TCF4: variants seen among roughly 807,000 people sequenced by gnomAD.
The protein encoded by TCF4 is SL3-3 enhancer factor 2.
In TCF4, 3 loss-of-function variants were observed where a neutral mutation model predicts 82.1. That is an observed-to-expected ratio of 0.04 (90% CI 0.02 to 0.09). TCF4 has a LOEUF of 0.09. Among genes scored for constraint, TCF4 ranks in the 10% least tolerant of loss-of-function variants. The pLI is 1.00. For synonymous variants in TCF4, 276 were observed against 309.6 expected (o/e 0.89, Z 1.14); for missense variants, 518 against 852.7 (o/e 0.61, Z 4.89).
rs1026926954 is a variant in TCF4, at chr18:55,532,853, C to T, written c.145+52427G>A. Among the ~76,000 whole-genome samples, 8 of 152,146 alleles carry T rather than the reference C, an allele frequency of 5.3e-5. No homozygotes were observed. The East Asian group carries it at 5.8e-4, about 11-fold the overall frequency. On this transcript the variant is annotated intron_variant, in intron 3 of 19. Transcript: ENST00000354452. ...TAATTTAGGTTCCATCCACACTAAC[C>T]GGCAAGCATGTTTCCAAATTCCACA...
At chr18:55,281,906 T>C (rs1408851320) in intron 8 of TCF4, among the ~76,000 whole-genome samples, 8 of 152,030 alleles carry the variant, frequency 5.3e-5, no homozygotes, top group African/African-American at 1.9e-4. Flanking sequence ...ATCTATGGAA[T>C]TGAAATGTTT....
chr18:55,602,018 G>A (rs2097697582), intron 2 of TCF4, among the ~76,000 whole-genome samples: 1 of 152,104 alleles, frequency 6.6e-6, no homozygotes, highest in Non-Finnish European at 1.5e-5. Context: ...CACTTAACGG[G>A]ATGTCATGCC....
chr18:55,508,250 G>A (rs1262650487), intron 3 of TCF4, among the ~76,000 whole-genome samples: 1 of 152,100 alleles, frequency 6.6e-6, no homozygotes, highest in Non-Finnish European at 1.5e-5. Flanking sequence ...AGAAAACTTT[G>A]CTGCTTTAAA....
At position 55,277,176 on chromosome 18, in the gene TCF4, A is replaced by G. The variant is rs2061621510; in HGVS notation, c.656-1424T>C. On this transcript the variant is annotated intron_variant, in intron 9 of 19. Transcript: ENST00000354452. The stretch of plus-strand genomic sequence containing the variant: ...AAGGAAGCTGATGTGGGACAGGACC[A>G]TGATGCAACTGTTTCTGTGGCCATC... 2.0e-5 allele frequency among the ~76,000 whole-genome samples: 3 copies of G among 152,212 alleles called. No individual in the cohort carries two copies. The South Asian group carries it at 6.2e-4, about 32-fold the overall frequency.
intron 2 of TCF4, among the ~76,000 whole-genome samples, chr18:55,598,921 CTT>C (rs931763569): frequency 6.6e-6 from 1 of 152,216 alleles, no homozygotes; most frequent in African/African-American, 2.4e-5. Context: ...AGCAATCACT[CTT>C]TTGTTTGCCT....
intron 3 of TCF4, among the ~76,000 whole-genome samples, chr18:55,498,126 C>T (rs1256926241): frequency 6.6e-6 from 1 of 152,170 alleles, no homozygotes; most frequent in East Asian, 1.9e-4. Context: ...CTTTATCAAC[C>T]ACATTAAATG....
intron 3 of TCF4, among the ~76,000 whole-genome samples, chr18:55,577,212 AAATG>A (rs1303824003): frequency 1.7e-4 from 3 of 17,810 alleles, no homozygotes; most frequent in East Asian, 1.3e-3. Context: ...ATATTTATAT[AAATG>A]TATATATACG....
chr18:55,236,949 T>C (rs1449899729), intron 15 of TCF4, among the ~76,000 whole-genome samples: 1 of 152,202 alleles, frequency 6.6e-6, no homozygotes, highest in Non-Finnish European at 1.5e-5. Flanking sequence ...TCTCAAGATT[T>C]CTTTGCAAGC....
At chr18:55,269,616 G>T (rs981146079) in intron 11 of TCF4, 2 of 618,050 alleles carry the variant, frequency 3.2e-6, no homozygotes, top group East Asian at 6.0e-5. Context: ...TTGCAACGTA[G>T]AACGTAGCTA....
intron 1 of TCF4, chr18:55,631,477 GATA>G: frequency 2.1e-6 from 3 of 1,409,768 alleles, no homozygotes; most frequent in Non-Finnish European, 1.9e-6. Context: ...GGGAAGAAAT[GATA>G]ATGTTTTGGG....
At chr18:55,302,263 G>A (rs1445477999) in intron 8 of TCF4, among the ~76,000 whole-genome samples, 2 of 152,182 alleles carry the variant, frequency 1.3e-5, no homozygotes, top group Non-Finnish European at 2.9e-5. Context: ...CGGGCAGAGC[G>A]AATTAAAATG....
At chr18:55,330,997 G>C (rs950706704) in intron 8 of TCF4, among the ~76,000 whole-genome samples, 1 of 152,150 alleles carries the variant, frequency 6.6e-6, no homozygotes, top group Non-Finnish European at 1.5e-5. Flanking sequence ...CCTAACTTCT[G>C]TGTTTATGTT....
chr18:55,372,408 G>A (rs569047535), intron 6 of TCF4, among the ~76,000 whole-genome samples: 1 of 151,958 alleles, frequency 6.6e-6, no homozygotes, highest in East Asian at 1.9e-4. Flanking sequence ...AGTGGAGTGT[G>A]ATGCAATAAT....
intron 3 of TCF4, among the ~76,000 whole-genome samples, chr18:55,490,900 T>A (rs2924334): frequency 1.6e-4 from 24 of 152,150 alleles, no homozygotes; most frequent in African/African-American, 5.8e-4. Flanking sequence ...AGAATGCTAT[T>A]TAGTTGAGAG....
chr18:55,530,561 A>AAGG (rs1555729284), intron 3 of TCF4, among the ~76,000 whole-genome samples: 1 of 106,424 alleles, frequency 9.4e-6, no homozygotes, highest in Admixed American at 9.9e-5. Context: ...GGCCCTGAAA[A>AAGG]GGGGGGGGGA....
At position 55,527,365 on chromosome 18, in the gene TCF4, C is replaced by G. The variant is rs140485165; in HGVS notation, c.145+57915G>C. 8.1e-3 allele frequency among the ~76,000 whole-genome samples: 1,229 copies of G among 152,304 alleles called. 12 individuals are homozygous for G. The highest frequency in any genetic ancestry group is 0.044 in the Middle Eastern group (13 of 294). ...AGTCTTTGTCCTGTGATAAAATCCA[C>G]CCATTACTGTTTCCTCTCCAGAAAG... On this transcript the variant is annotated intron_variant, in intron 3 of 19. Coordinates refer to ENST00000354452, the MANE Select transcript of TCF4 (RefSeq NM_001083962.2).
chr18:55,249,585 G>C (rs1600112256), intron 15 of TCF4, among the ~76,000 whole-genome samples: 1 of 152,338 alleles, frequency 6.6e-6, no homozygotes, highest in East Asian at 1.9e-4. Flanking sequence ...GGGCATAGCA[G>C]ACTGGCAGGG....
chr18:55,627,026 G>A (rs537858589), intron 2 of TCF4, among the ~76,000 whole-genome samples: 26 of 152,126 alleles, frequency 1.7e-4, no homozygotes, highest in Non-Finnish European at 1.2e-4. Context: ...TCAGCTAATC[G>A]ATGTGATTAC....
At chr18:55,251,645 G>C (rs866765207) in intron 15 of TCF4, among the ~76,000 whole-genome samples, 3 of 152,176 alleles carry the variant, frequency 2.0e-5, no homozygotes, top group Admixed American at 6.5e-5. Context: ...AATTACTGAG[G>C]AGAGTTAGAA....
Sources: gnomAD v4.1 joint callset for allele counts (sites outside exome capture counted in the v4.1 genomes callset) on GRCh38, gnomAD v4.1.1 for gene constraint, MANE v1.5 for transcripts, NCBI Gene and HGNC (gene_info 2026-07-23, HGNC 2026-07-21) for gene names.